GRB10: variants seen among roughly 807,000 people sequenced by gnomAD.
GRB10 encodes the protein growth factor receptor bound protein 10.
A neutral mutation model predicts 80.9 loss-of-function variants in GRB10; 20 were observed. The ratio of observed to expected loss-of-function variants is 0.25; its 90% confidence interval spans 0.17 to 0.36. GRB10 has a LOEUF of 0.36. Ranked by LOEUF, GRB10 falls within the 10% of genes least tolerant of loss-of-function variation. GRB10 has a pLI of 1.00. For synonymous variants in GRB10, 291 were observed against 291.5 expected (o/e 1.00, Z 0.02); for missense variants, 548 against 747.7 (o/e 0.73, Z 3.12).
At chr7:50,724,207 G>T (rs1478011306) in intron 4 of GRB10, among the ~76,000 whole-genome samples, 4 of 152,172 alleles carry the variant, frequency 2.6e-5, no homozygotes, top group Admixed American at 2.0e-4. Flanking sequence ...AAAACCACAG[G>T]CATGACTGTG....
upstream of GRB10, among the ~76,000 whole-genome samples, chr7:50,783,857 C>T (rs1055104295): frequency 1.3e-5 from 2 of 152,156 alleles, no homozygotes; most frequent in African/African-American, 4.8e-5. Context: ...AAAAGCTACC[C>T]TAGTCCAACT....
At chr7:50,730,867 C>T (rs1465027227) in intron 4 of GRB10, among the ~76,000 whole-genome samples, 3 of 152,194 alleles carry the variant, frequency 2.0e-5, no homozygotes, top group South Asian at 2.1e-4. Context: ...GACAGCACTA[C>T]GAAAATGACC....
At chr7:50,787,840 T>G (rs920159214), upstream of GRB10, among the ~76,000 whole-genome samples, 2 of 152,180 alleles carry the variant, frequency 1.3e-5, no homozygotes, top group African/African-American at 4.8e-5. Flanking sequence ...ACCTGGAAGC[T>G]CAGGTAACAC....
At chr7:50,605,439 A>C in intron 14 of GRB10, 33 bp from the exon 15 acceptor site, 1 of 1,521,378 alleles carries the variant, frequency 6.6e-7, no homozygotes, top group Non-Finnish European at 9.1e-7. Flanking sequence ...CTTAAAATGC[A>C]GGGAAATAAG....
At chr7:50,656,042 C>G (rs1236743304) in intron 7 of GRB10, among the ~76,000 whole-genome samples, 1 of 152,186 alleles carries the variant, frequency 6.6e-6, no homozygotes, top group Non-Finnish European at 1.5e-5. Flanking sequence ...TCTGCCCTGC[C>G]AGCCTCAGAC....
chr7:50,742,267 GCGCGCACACACACACACA>G (rs1268324546), intron 3 of GRB10, among the ~76,000 whole-genome samples: 3 of 30,932 alleles, frequency 9.7e-5, no homozygotes, highest in South Asian at 8.2e-4. Context: ...GCGCACGCGC[GCGCGCACACACACACACA>G]CACACACACA....
chr7:50,747,329 C>G (rs554649100), intron 3 of GRB10, among the ~76,000 whole-genome samples: 1 of 152,186 alleles, frequency 6.6e-6, no homozygotes, highest in African/African-American at 2.4e-5. Context: ...AGGTCCCCAC[C>G]GTTCCCTCCA....
At chr7:50,777,407 A>G (rs188254914) in intron 2 of GRB10, among the ~76,000 whole-genome samples, 202 of 143,428 alleles carry the variant, frequency 1.4e-3, no homozygotes, top group Non-Finnish European at 2.3e-3. Context: ...TGGGTGATAC[A>G]TTCAGACCAC....
intron 7 of GRB10, among the ~76,000 whole-genome samples, chr7:50,651,410 A>G (rs1303828246): frequency 6.6e-6 from 1 of 152,044 alleles, no homozygotes; most frequent in East Asian, 1.9e-4. Context: ...CTCCACCTTT[A>G]TCTTTATGTG....
chr7:50,748,888 A>G (rs2073546630), intron 3 of GRB10, among the ~76,000 whole-genome samples: 1 of 152,222 alleles, frequency 6.6e-6, no homozygotes. Flanking sequence ...AAAAGCTACC[A>G]GGACATTTAT....
intron 2 of GRB10, among the ~76,000 whole-genome samples, chr7:50,775,455 T>G (rs1447976403): frequency 6.6e-6 from 1 of 152,000 alleles, no homozygotes; most frequent in East Asian, 1.9e-4. Context: ...TACCTGCAGC[T>G]CTCCCAGGCT....
At chr7:50,661,766 G>A (rs2059301457) in intron 7 of GRB10, among the ~76,000 whole-genome samples, 1 of 152,120 alleles carries the variant, frequency 6.6e-6, no homozygotes, top group Non-Finnish European at 1.5e-5. Flanking sequence ...TGTTGCCTCA[G>A]TTGCCCTTGC....
At chr7:50,612,214 G>C (rs980783778) in intron 13 of GRB10, among the ~76,000 whole-genome samples, 2 of 152,260 alleles carry the variant, frequency 1.3e-5, no homozygotes, top group African/African-American at 2.4e-5. Flanking sequence ...GGGAACCTGA[G>C]AGTTGGTTCA....
At chr7:50,777,919 G>C (rs1256412782) in intron 2 of GRB10, among the ~76,000 whole-genome samples, 1 of 152,142 alleles carries the variant, frequency 6.6e-6, no homozygotes, top group Non-Finnish European at 1.5e-5. Flanking sequence ...CTGTCAGGGA[G>C]GGGAGAGGGA....
chr7:50,763,755 G>T (rs1026428396), intron 2 of GRB10, among the ~76,000 whole-genome samples: 8 of 152,250 alleles, frequency 5.3e-5, no homozygotes, highest in Admixed American at 3.9e-4. Flanking sequence ...GGCTGCGGAA[G>T]CATCTGAGAG....
At chr7:50,710,286 G>T (rs76900863) in intron 4 of GRB10, among the ~76,000 whole-genome samples, 1,593 of 152,176 alleles carry the variant, frequency 0.01, 26 homozygotes, top group African/African-American at 0.035. Flanking sequence ...AGAAGCCTCT[G>T]CTTCTCTGTG....
chr7:50,669,327 C>CA (rs1447991594), intron 7 of GRB10, among the ~76,000 whole-genome samples: 2 of 152,292 alleles, frequency 1.3e-5, no homozygotes, highest in East Asian at 3.9e-4. Context: ...ACAATCATGC[C>CA]AGAAGGCAAA....
At chr7:50,673,664 C>T (rs964612568) in intron 6 of GRB10, among the ~76,000 whole-genome samples, 2 of 152,150 alleles carry the variant, frequency 1.3e-5, no homozygotes, top group Non-Finnish European at 2.9e-5. Context: ...CTCTGCCAAC[C>T]CTGCTGCCCT....
intron 5 of GRB10, among the ~76,000 whole-genome samples, chr7:50,688,255 A>C (rs2062343820): frequency 6.6e-6 from 1 of 152,234 alleles, no homozygotes; most frequent in African/African-American, 2.4e-5. Flanking sequence ...TAAAAAACAA[A>C]AAACAACATG....
Sources: allele counts gnomAD v4.1 joint callset (sites outside exome capture counted in the v4.1 genomes callset), GRCh38; gene constraint gnomAD v4.1.1; transcripts MANE v1.5; gene names NCBI Gene and HGNC (gene_info 2026-07-23, HGNC 2026-07-21).